LYPLAL1: variants seen among roughly 807,000 people sequenced by gnomAD.
The protein encoded by LYPLAL1 is lysophospholipase like 1, also known as lysophospholipase-like protein 1.
Under a neutral mutation model 19.7 loss-of-function variants are expected in LYPLAL1, and 23 were observed. That is an observed-to-expected ratio of 1.17 (90% CI 0.84 to 1.65). The LOEUF is 1.65. Ranked by LOEUF, LYPLAL1 falls within the 40% of genes most tolerant of loss-of-function variation. The probability of loss-of-function intolerance (pLI) is 0.00; values close to 1 mark genes in which losing one functional copy is unlikely to be tolerated. For missense variants in LYPLAL1, 355 were observed against 279.4 expected (o/e 1.27, Z -1.93); for synonymous variants, 119 against 96.3 (o/e 1.24, Z -1.38).
the LYPLAL1 span, among the ~76,000 whole-genome samples, chr1:219,259,373 A>G: frequency 2.7e-5 from 4 of 148,046 alleles, no homozygotes; most frequent in African/African-American, 7.6e-5. Flanking sequence ...ATGCCCATCA[A>G]CCAATGAGTG....
At chr1:219,362,356 A>T in the LYPLAL1 span, among the ~76,000 whole-genome samples, 1 of 152,076 alleles carries the variant, frequency 6.6e-6, no homozygotes, top group South Asian at 2.1e-4. Context: ...ATAATAGAGT[A>T]CTCCTCTCCT....
At chr1:219,356,639 A>T in the LYPLAL1 span, among the ~76,000 whole-genome samples, 58 of 152,352 alleles carry the variant, frequency 3.8e-4, no homozygotes, top group African/African-American at 1.3e-3. Flanking sequence ...GGAAGTATAT[A>T]TGAAGAAAAT....
the LYPLAL1 span, among the ~76,000 whole-genome samples, chr1:219,326,388 A>G: frequency 6.6e-6 from 1 of 152,150 alleles, no homozygotes; most frequent in African/African-American, 2.4e-5. Flanking sequence ...GAAAATTGCA[A>G]TACTGGCAGG....
At chr1:219,302,535 G>C in the LYPLAL1 span, among the ~76,000 whole-genome samples, 1 of 152,272 alleles carries the variant, frequency 6.6e-6, no homozygotes, top group South Asian at 2.1e-4. Flanking sequence ...ACTACAGAGA[G>C]GTTGTGAATC....
At chr1:219,217,605 A>G (rs908938991), downstream of LYPLAL1, among the ~76,000 whole-genome samples, 18 of 152,072 alleles carry the variant, frequency 1.2e-4, no homozygotes, top group East Asian at 3.9e-4. Flanking sequence ...GAGACCTTCA[A>G]TTATCTACTC....
chr1:219,430,045 G>A, the LYPLAL1 span, among the ~76,000 whole-genome samples: 2 of 152,180 alleles, frequency 1.3e-5, no homozygotes, highest in Non-Finnish European at 2.9e-5. Context: ...TGTAATCAGA[G>A]CACTTCGGGA....
At chr1:219,417,229 A>G in the LYPLAL1 span, among the ~76,000 whole-genome samples, 7 of 151,878 alleles carry the variant, frequency 4.6e-5, no homozygotes, top group South Asian at 4.1e-4. Context: ...AAATTTTTCT[A>G]TTGTCTTCTA....
chr1:219,266,491 G>GT, the LYPLAL1 span, among the ~76,000 whole-genome samples: 1 of 151,642 alleles, frequency 6.6e-6, no homozygotes, highest in African/African-American at 2.4e-5. Context: ...TATACCTGAG[G>GT]TTTTTTTCAC....
intron 2 of LYPLAL1, among the ~76,000 whole-genome samples, chr1:219,180,727 C>G (rs569041025): frequency 6.6e-6 from 1 of 152,236 alleles, no homozygotes; most frequent in East Asian, 1.9e-4. Flanking sequence ...AATCATAAGA[C>G]CACTGAAAAC....
At chr1:219,230,792 G>A in the LYPLAL1 span, among the ~76,000 whole-genome samples, 1 of 152,118 alleles carries the variant, frequency 6.6e-6, no homozygotes. Flanking sequence ...ATGGATTGAT[G>A]CAAAACAGCT....
At chr1:219,195,131 T>C (rs1657502752) in intron 3 of LYPLAL1, among the ~76,000 whole-genome samples, 2 of 152,108 alleles carry the variant, frequency 1.3e-5, no homozygotes, top group African/African-American at 4.8e-5. Context: ...TAATATAATA[T>C]CTGTTTACTG....
the LYPLAL1 span, among the ~76,000 whole-genome samples, chr1:219,364,787 G>A: frequency 1.3e-5 from 2 of 152,054 alleles, no homozygotes; most frequent in Admixed American, 6.6e-5. Context: ...AATATAGTGA[G>A]TCTTTAATTT....
At chr1:219,291,452 T>C in the LYPLAL1 span, among the ~76,000 whole-genome samples, 1 of 152,220 alleles carries the variant, frequency 6.6e-6, no homozygotes, top group Non-Finnish European at 1.5e-5. Flanking sequence ...CAATCTACTG[T>C]CCTTTGTTCT....
chr1:219,325,237 A>T, the LYPLAL1 span, among the ~76,000 whole-genome samples: 1 of 151,872 alleles, frequency 6.6e-6, no homozygotes, highest in African/African-American at 2.4e-5. Context: ...CAAAGGCTTG[A>T]CTCATAATGC....
At chr1:219,228,917 G>C in the LYPLAL1 span, among the ~76,000 whole-genome samples, 4 of 151,974 alleles carry the variant, frequency 2.6e-5, no homozygotes, top group Admixed American at 6.6e-5. Context: ...GACCTCAGGT[G>C]ATCCGCCTGC....
At chr1:219,250,083 G>T in the LYPLAL1 span, among the ~76,000 whole-genome samples, 1 of 151,868 alleles carries the variant, frequency 6.6e-6, no homozygotes, top group Admixed American at 6.6e-5. Flanking sequence ...AGCACCAGTG[G>T]TGTTAAGGAA....
chr1:219,230,731 A>G, the LYPLAL1 span, among the ~76,000 whole-genome samples: 1 of 152,222 alleles, frequency 6.6e-6, no homozygotes, highest in African/African-American at 2.4e-5. Flanking sequence ...AGTGTTATCT[A>G]AATGCTCAGT....
chr1:219,176,771 CAT>C (rs1156885258), intron 1 of LYPLAL1, among the ~76,000 whole-genome samples: 1 of 152,106 alleles, frequency 6.6e-6, no homozygotes. Flanking sequence ...TGTGGAGATT[CAT>C]AGATTCTATT....
At chr1:219,192,477 C>G (rs1354231273) in intron 2 of LYPLAL1, among the ~76,000 whole-genome samples, 1 of 151,586 alleles carries the variant, frequency 6.6e-6, no homozygotes, top group Non-Finnish European at 1.5e-5. Context: ...TGTTTCTCAT[C>G]ATTACGTGAG....
Sources: allele counts gnomAD v4.1 joint callset (sites outside exome capture counted in the v4.1 genomes callset), GRCh38; gene constraint gnomAD v4.1.1; transcripts MANE v1.5; gene names NCBI Gene and HGNC (gene_info 2026-07-23, HGNC 2026-07-21).